Variants in SLC35F1 observed in about 807,000 individuals in gnomAD.
SLC35F1 encodes chromosome 6 open reading frame 169.
SLC35F1 carries 14 observed loss-of-function variants against 48.7 expected under a neutral mutation model. The observed-to-expected ratio is 0.29, with a 90% CI of 0.19 to 0.45. The LOEUF is 0.45. Ranked by LOEUF, SLC35F1 falls within the 20% of genes least tolerant of loss-of-function variation. SLC35F1 has a pLI of 1.00. For missense variants in SLC35F1, 404 were observed against 500.0 expected (o/e 0.81, Z 1.83); for synonymous variants, 190 against 202.2 (o/e 0.94, Z 0.51).
intron 1 of SLC35F1, among the ~76,000 whole-genome samples, chr6:117,931,242 A>C (rs1442039875): frequency 6.6e-6 from 1 of 152,216 alleles, no homozygotes; most frequent in East Asian, 1.9e-4. Context: ...AAAAATAAAG[A>C]AATATCTTTT....
At chr6:117,972,826 G>A (rs1460383325) in intron 1 of SLC35F1, among the ~76,000 whole-genome samples, 1 of 152,094 alleles carries the variant, frequency 6.6e-6, no homozygotes, top group Non-Finnish European at 1.5e-5. Flanking sequence ...AATCATATCA[G>A]CCACCCATAC....
At chr6:118,191,955 C>CA (rs1197930836) in intron 2 of SLC35F1, among the ~76,000 whole-genome samples, 5 of 152,064 alleles carry the variant, frequency 3.3e-5, no homozygotes, top group African/African-American at 1.2e-4. Flanking sequence ...GTCACCACAC[C>CA]AATATATTTA....
chr6:117,981,364 G>T (rs1776779144), intron 1 of SLC35F1, among the ~76,000 whole-genome samples: 1 of 152,144 alleles, frequency 6.6e-6, no homozygotes, highest in Admixed American at 6.5e-5. Context: ...CATCCAGGGA[G>T]AATGGAGTAT....
intron 2 of SLC35F1, among the ~76,000 whole-genome samples, chr6:118,233,422 G>A (rs1000520525): frequency 4.6e-5 from 7 of 152,194 alleles, no homozygotes; most frequent in Admixed American, 1.3e-4. Context: ...ATGATCTGGC[G>A]GTGAAGAACT....
intron 7 of SLC35F1, among the ~76,000 whole-genome samples, chr6:118,304,239 A>C (rs776526731): frequency 6.6e-6 from 1 of 152,158 alleles, no homozygotes; most frequent in Non-Finnish European, 1.5e-5. Flanking sequence ...GCATTATTAA[A>C]AATATCTCAC....
chr6:118,105,245 C>A (rs1211453592), intron 1 of SLC35F1, among the ~76,000 whole-genome samples: 2 of 152,182 alleles, frequency 1.3e-5, no homozygotes, highest in Admixed American at 6.5e-5. Flanking sequence ...TCATTGAAGA[C>A]TTTGGTAATT....
At chr6:118,102,725 T>A (rs1360187587) in intron 1 of SLC35F1, among the ~76,000 whole-genome samples, 1 of 152,190 alleles carries the variant, frequency 6.6e-6, no homozygotes, top group East Asian at 1.9e-4. Context: ...CTCCCTGAGT[T>A]CTCCCATTTG....
chr6:118,094,858 C>T (rs2114351819), intron 1 of SLC35F1, among the ~76,000 whole-genome samples: 1 of 152,102 alleles, frequency 6.6e-6, no homozygotes, highest in African/African-American at 2.4e-5. Flanking sequence ...ATCCCAGCTA[C>T]TTGGGAGGCT....
At chr6:118,101,971 G>A (rs910619889) in intron 1 of SLC35F1, among the ~76,000 whole-genome samples, 5 of 152,026 alleles carry the variant, frequency 3.3e-5, no homozygotes, top group African/African-American at 9.7e-5. Context: ...CCAGGCATAC[G>A]TCTGAGTACC....
At chr6:118,214,569 A>G (rs1339406485) in intron 2 of SLC35F1, among the ~76,000 whole-genome samples, 2 of 152,214 alleles carry the variant, frequency 1.3e-5, no homozygotes, top group East Asian at 3.8e-4. Flanking sequence ...GTATACCAGT[A>G]TAAGACAGAG....
chr6:118,280,169 TTATCTAATC>T (rs573343604), intron 6 of SLC35F1, among the ~76,000 whole-genome samples: 38 of 152,310 alleles, frequency 2.5e-4, no homozygotes, highest in African/African-American at 8.9e-4. Context: ...CTGATTGTGA[TTATCTAATC>T]AGTAAACTCA....
chr6:118,044,515 AT>A, intron 1 of SLC35F1, among the ~76,000 whole-genome samples: 1 of 152,082 alleles, frequency 6.6e-6, no homozygotes, highest in East Asian at 1.9e-4. Context: ...TGGGGCCACC[AT>A]GGCTCAGAGG....
At chr6:118,134,597 G>T (rs1773765982) in intron 1 of SLC35F1, among the ~76,000 whole-genome samples, 1 of 152,210 alleles carries the variant, frequency 6.6e-6, no homozygotes, top group Non-Finnish European at 1.5e-5. Flanking sequence ...TTGCGGCAGA[G>T]ACCTAAACCA....
intron 1 of SLC35F1, among the ~76,000 whole-genome samples, chr6:117,927,064 T>G (rs1007797511): frequency 6.6e-5 from 10 of 152,204 alleles, no homozygotes; most frequent in African/African-American, 2.4e-4. Flanking sequence ...TTATCTAAAC[T>G]CACTGAGCTT....
chr6:118,206,261 T>C (rs1156433474), intron 2 of SLC35F1, among the ~76,000 whole-genome samples: 3 of 152,246 alleles, frequency 2.0e-5, no homozygotes, highest in Admixed American at 6.5e-5. Context: ...GTCTGGTTTT[T>C]ATGCAACTTT....
intron 1 of SLC35F1, among the ~76,000 whole-genome samples, chr6:118,060,622 A>G (rs1392148811): frequency 6.6e-6 from 1 of 152,208 alleles, no homozygotes; most frequent in Non-Finnish European, 1.5e-5. Flanking sequence ...TAATTAGCAC[A>G]AGTATAGAAT....
intron 1 of SLC35F1, among the ~76,000 whole-genome samples, chr6:117,937,164 G>T (rs1307193178): frequency 2.6e-5 from 4 of 152,170 alleles, no homozygotes; most frequent in Non-Finnish European, 5.9e-5. Flanking sequence ...AGTAGAGTTG[G>T]GGTCTGATCT....
At chr6:117,988,059 A>G (rs564020413) in intron 1 of SLC35F1, among the ~76,000 whole-genome samples, 45 of 152,118 alleles carry the variant, frequency 3.0e-4, no homozygotes, top group African/African-American at 1.0e-3. Flanking sequence ...CTCCAAACCT[A>G]CACTCTTTCT....
intron 1 of SLC35F1, among the ~76,000 whole-genome samples, chr6:117,978,614 A>T (rs1413287987): frequency 6.6e-6 from 1 of 152,040 alleles, no homozygotes; most frequent in Non-Finnish European, 1.5e-5. Flanking sequence ...CTTCAGACCT[A>T]AGTCAGCTTT....
Sources: allele counts gnomAD v4.1 joint callset (sites outside exome capture counted in the v4.1 genomes callset), GRCh38; gene constraint gnomAD v4.1.1; transcripts MANE v1.5; gene names NCBI Gene and HGNC (gene_info 2026-07-23, HGNC 2026-07-21).